The following RORA variants were observed in gnomAD, a reference collection of about 807,000 sequenced individuals.
RORA encodes the protein RAR related orphan receptor A.
RORA carries 7 observed loss-of-function variants against 69.5 expected under a neutral mutation model. The ratio of observed to expected loss-of-function variants is 0.10; its 90% CI spans 0.06 to 0.19. The LOEUF is 0.19. Among genes scored for constraint, RORA ranks in the 10% least tolerant of loss-of-function variants. The pLI is 1.00. For missense variants in RORA, 457 were observed against 663.0 expected, an observed-to-expected ratio of 0.69 and a Z score of 3.41; for synonymous variants, 261 against 240.8, an observed-to-expected ratio of 1.08 and a Z score of -0.78.
At chr15:61,087,624 G>C (rs1237223575) in intron 1 of RORA, among the ~76,000 whole-genome samples, 2 of 152,308 alleles carry the variant, frequency 1.3e-5, no homozygotes, top group East Asian at 3.9e-4. Context: ...GACAAATGAG[G>C]TCTTGAGAAG....
In RORA at chr15:61,128,627, C is replaced by T. The variant is rs561168501; in HGVS notation, c.166+100426G>A. Among the ~76,000 whole-genome samples, 2 of 152,262 alleles carry T rather than the reference C, an allele frequency of 1.3e-5. No individual in the cohort carries two copies. Among genetic ancestry groups the T allele is most frequent in the Admixed American group, 6.5e-5 (1 of 15,304 alleles). ...TATTCCCATGGTTTTTCCAGCTTTA[C>T]GGAAGGGTTGAAATGTTCTTTCTCT... On this transcript the variant is annotated intron_variant, in intron 1 of 10. Transcript: ENST00000335670. This position sits in a 1 kb window ranked among gnomAD's most constrained non-coding sequence, Gnocchi z 4.5.
chr15:60,569,785 G>A (rs2067825568), intron 2 of RORA, among the ~76,000 whole-genome samples: 1 of 152,154 alleles, frequency 6.6e-6, no homozygotes, highest in African/African-American at 2.4e-5. Context: ...ACCTACTGGC[G>A]ACAAAGAACG....
In RORA at chr15:61,100,193, C is replaced by T. The variant is rs371625219; in HGVS notation, c.166+128860G>A. ...GGAGTGCAGTGACACGATCTCGGCT[C>T]ACTGCAGCCTCCGCCTCCGGGTTCC... On this transcript the variant is annotated intron_variant, in intron 1 of 10. Coordinates refer to ENST00000335670, the MANE Select transcript of RORA (RefSeq NM_134261.3). Among the ~76,000 whole-genome samples, 339 of 148,672 alleles carry T rather than the reference C, an allele frequency of 2.3e-3. 1 individual carries two copies. Among genetic ancestry groups the T allele is most frequent in the African/African-American group, 7.9e-3 (320 of 40,252 alleles).
intron 1 of RORA, among the ~76,000 whole-genome samples, chr15:60,738,600 C>T (rs2071533593): frequency 6.6e-6 from 1 of 152,224 alleles, no homozygotes; most frequent in Non-Finnish European, 1.5e-5. Context: ...TGGATTTCAT[C>T]ATTATGTATT....
chr15:60,750,123 T>C (rs1470439112), intron 1 of RORA, among the ~76,000 whole-genome samples: 1 of 152,218 alleles, frequency 6.6e-6, no homozygotes, highest in African/African-American at 2.4e-5. Context: ...TCCCTACAGA[T>C]GGATACTATT....
intron 1 of RORA, among the ~76,000 whole-genome samples, chr15:61,121,290 T>C (rs1596007202): frequency 6.6e-6 from 1 of 152,206 alleles, no homozygotes; most frequent in African/African-American, 2.4e-5. Flanking sequence ...GAAGTGGAAC[T>C]GGGTGGCTGT....
At chr15:61,087,210 T>G (rs905678757) in intron 1 of RORA, among the ~76,000 whole-genome samples, 2 of 152,190 alleles carry the variant, frequency 1.3e-5, no homozygotes, top group African/African-American at 4.8e-5. Flanking sequence ...CTTAAAATAT[T>G]TACTATCTAG....
intron 1 of RORA, among the ~76,000 whole-genome samples, chr15:60,857,762 G>C (rs969892610): frequency 5.9e-5 from 9 of 152,336 alleles, no homozygotes; most frequent in Non-Finnish European, 8.8e-5. Flanking sequence ...TAAGCAAAAT[G>C]ATTAGTACCG....
chr15:60,744,678 C>T (rs1265502728), intron 1 of RORA, among the ~76,000 whole-genome samples: 5 of 152,116 alleles, frequency 3.3e-5, no homozygotes, highest in Non-Finnish European at 7.4e-5. Context: ...TGTGAAGAGC[C>T]ACCCAAATCA....
intron 1 of RORA, among the ~76,000 whole-genome samples, chr15:60,718,648 G>T (rs1168678818): frequency 6.6e-6 from 1 of 152,154 alleles, no homozygotes; most frequent in Non-Finnish European, 1.5e-5. Context: ...GTGGAGTAGT[G>T]AGAAATTAAT....
chr15:61,041,963 A>C (rs1414473699), intron 1 of RORA, among the ~76,000 whole-genome samples: 3 of 152,192 alleles, frequency 2.0e-5, no homozygotes. Context: ...AGGTTAAATA[A>C]CTTGCCCAAG....
At chr15:61,022,463 C>A (rs544989800) in intron 1 of RORA, among the ~76,000 whole-genome samples, 1 of 152,122 alleles carries the variant, frequency 6.6e-6, no homozygotes, top group East Asian at 1.9e-4. Flanking sequence ...CATCTTTTTC[C>A]CAATGCTTTT....
chr15:60,577,826 AAGTT>A (rs369153473), intron 2 of RORA, among the ~76,000 whole-genome samples: 17 of 152,298 alleles, frequency 1.1e-4, no homozygotes, highest in African/African-American at 3.9e-4. Context: ...ATAAGACAAA[AAGTT>A]AGCATGAAGA....
At position 61,229,147 on chromosome 15, in the gene RORA, G is replaced by T; in HGVS notation, c.72C>A (p.Ala24=). The T allele has an allele frequency of 6.5e-7, 1 of 1,543,912 alleles. No homozygotes were observed. Among genetic ancestry groups the T allele is most frequent in the Non-Finnish European group, 8.7e-7 (1 of 1,145,400 alleles). ...GGTTCAGCGGGGTCTCCCTGGAGCC[G>T]GCGGCCGCGTCCGCGCCGCTGCTGC... ...EPGSSGADAA[A]GSRETPLNQE... The change falls in exon 1 of 11, where the codon GCC becomes GCA. Residue 24 remains alanine, a synonymous_variant. Transcript: ENST00000335670.
At position 60,572,968 on chromosome 15, in the gene RORA, C is replaced by T. The variant is rs138998688; in HGVS notation, c.197-41117G>A. Among the ~76,000 whole-genome samples the T allele has an allele frequency of 1.1e-4, 16 of 152,288 alleles. No individual in the cohort carries two copies. In the East Asian group the frequency reaches 2.3e-3, roughly 22 times the overall value. ...TGTAATAATTACACTGGCTGTGACA[C>T]GAGCTCAGCCGAGAGTGTATTTTTA... On this transcript the variant is annotated intron_variant, in intron 2 of 10. Transcript: ENST00000335670.
chr15:60,748,845 T>C (rs1359695582), intron 1 of RORA, among the ~76,000 whole-genome samples: 1 of 152,200 alleles, frequency 6.6e-6, no homozygotes, highest in Non-Finnish European at 1.5e-5. Flanking sequence ...GTGGGAGTGT[T>C]TGTATTCTAG....
chr15:61,178,418 C>A (rs544969572), intron 1 of RORA, among the ~76,000 whole-genome samples: 6 of 152,028 alleles, frequency 3.9e-5, no homozygotes, highest in South Asian at 2.1e-4. Flanking sequence ...AAATACATTG[C>A]CCTAAATATT....
chr15:60,886,674 A>T (rs1056100927), intron 1 of RORA, among the ~76,000 whole-genome samples: 6 of 152,222 alleles, frequency 3.9e-5, no homozygotes, highest in African/African-American at 1.2e-4. Context: ...GAAAAAAGCA[A>T]CTTTTCTTGC....
chr15:60,963,183 A>G (rs180991007), intron 1 of RORA, among the ~76,000 whole-genome samples: 12 of 152,354 alleles, frequency 7.9e-5, no homozygotes, highest in Non-Finnish European at 1.6e-4. Flanking sequence ...TGAACTTTTC[A>G]GAGGGTAAAT....
Sources: gnomAD v4.1 joint callset for allele counts (sites outside exome capture counted in the v4.1 genomes callset) on GRCh38, gnomAD v4.1.1 for gene constraint, Gnocchi (gnomAD v3.1) non-coding constraint, MANE v1.5 for transcripts, NCBI Gene and HGNC (gene_info 2026-07-23, HGNC 2026-07-21) for gene names.